IGDCC4: variants seen among roughly 807,000 people sequenced by gnomAD.
IGDCC4 encodes the protein immunoglobulin superfamily DCC subclass member 4.
IGDCC4 carries 72 observed loss-of-function variants against 116.6 expected under a neutral mutation model. That is an observed-to-expected ratio of 0.62 (90% CI 0.51 to 0.75). IGDCC4 has a LOEUF of 0.75. Ranked by LOEUF, IGDCC4 falls within the 30% of genes least tolerant of loss-of-function variation. The probability of loss-of-function intolerance (pLI) is 0.00; values close to 1 mark genes in which losing one functional copy is unlikely to be tolerated. For synonymous variants in IGDCC4, 709 were observed against 719.9 expected (o/e 0.98, Z 0.24); for missense variants, 1,501 against 1,662.4 (o/e 0.90, Z 1.69).
At chr15:65,409,450 G>T (rs2063068823) in intron 3 of IGDCC4, among the ~76,000 whole-genome samples, 1 of 152,146 alleles carries the variant, frequency 6.6e-6, no homozygotes, top group Non-Finnish European at 1.5e-5. Flanking sequence ...AGATACGTAA[G>T]AATCCAGGGG....
chr15:65,421,216 G>A (rs2063186956), intron 1 of IGDCC4, among the ~76,000 whole-genome samples: 1 of 152,210 alleles, frequency 6.6e-6, no homozygotes, highest in African/African-American at 2.4e-5. Context: ...CTCGCGGCAG[G>A]TCCTAAAGGT....
At position 65,388,749 on chromosome 15, in the gene IGDCC4, C is replaced by T. The variant is rs928861990; in HGVS notation, c.2707+59G>A. On this transcript the variant is annotated intron_variant, in intron 15 of 19. Transcript: ENST00000352385. ...ACAAACCCCAGCACTGTTCTCACTG[C>T]TGGAAGCGGGAGAGGCTGGGAAGCT... is the stretch of plus-strand genomic sequence containing the variant. The T allele has an allele frequency of 1.9e-6, 3 of 1,608,888 alleles. No homozygotes were observed. The African/African-American group carries it at 4.0e-5, about 21-fold the overall frequency.
intron 5 of IGDCC4, among the ~76,000 whole-genome samples, chr15:65,400,286 A>G (rs966684875): frequency 1.3e-5 from 2 of 152,246 alleles, no homozygotes; most frequent in Non-Finnish European, 1.5e-5. Flanking sequence ...CGATGAGTTC[A>G]GAGGGCAGGG....
At chr15:65,410,972 C>T (rs1260853978) in intron 2 of IGDCC4, 48 bp downstream of exon 2, 2 of 1,502,952 alleles carry the variant, frequency 1.3e-6, no homozygotes, top group East Asian at 2.3e-5. Context: ...TTCGCACACC[C>T]CAAGTCTGGG....
At position 65,402,324 on chromosome 15, in the gene IGDCC4, G is replaced by T. The variant is rs112387775; in HGVS notation, c.700+27C>A. ...GGTGGCTGGTTCCAGAAACCCCCAG[G>T]TTTCCCCACCCAGCCAGCCCCCTTA... On this transcript the variant is annotated intron_variant, in intron 4 of 19. Transcript: ENST00000352385. 17 of 1,554,220 alleles carry T rather than the reference G, an allele frequency of 1.1e-5. No individual in the cohort carries two copies. The African/African-American group carries it at 1.5e-4, about 14-fold the overall frequency.
At chr15:65,414,054 C>T (rs1012012792) in intron 1 of IGDCC4, among the ~76,000 whole-genome samples, 2 of 152,178 alleles carry the variant, frequency 1.3e-5, no homozygotes, top group African/African-American at 2.4e-5. Context: ...TAAACACATG[C>T]GCCTCAGTCT....
At chr15:65,386,156 C>A in intron 17 of IGDCC4, 97 bp from the exon 18 acceptor site, 1 of 778,922 alleles carries the variant, frequency 1.3e-6, no homozygotes, top group East Asian at 2.7e-5. Context: ...GAGGTTCCTG[C>A]CCATCTCTGG....
chr15:65,388,388 T>C lies in IGDCC4; in HGVS notation c.2845+61A>G, dbSNP rs1229851847. ...GTGCAAAACAATGAAATTGTAGTTG[T>C]GTCCACAGGCAGGGGCTTGGAAGTC... On this transcript the variant is annotated intron_variant, in intron 16 of 19. Transcript: ENST00000352385. 7.5e-6 allele frequency: 12 copies of C among 1,607,162 alleles called. No individual in the cohort carries two copies. In the Admixed American group the frequency reaches 1.2e-4, roughly 16 times the overall value.
chr15:65,416,148 T>G (rs2063141198), intron 1 of IGDCC4, among the ~76,000 whole-genome samples: 1 of 138,666 alleles, frequency 7.2e-6, no homozygotes, highest in Non-Finnish European at 1.6e-5. Flanking sequence ...TTTTTTTTTT[T>G]TTTTTTTTTT....
rs780539739 is a variant in IGDCC4 at position 65,391,966 on chromosome 15, T to A, written c.2138A>T (p.Tyr713Phe). The A allele has an allele frequency of 6.2e-7, 1 of 1,611,856 alleles. No individual in the cohort carries two copies. Among genetic ancestry groups the A allele is most frequent in the Admixed American group, 1.7e-5 (1 of 59,712 alleles). Reference protein sequence around the residue: ...ELTQLVPGRLYEVKLVAFNKH... With the variant: ...ELTQLVPGRLFEVKLVAFNKH... ...GTTGAAAGCCACGAGCTTCACCTCGTACAGCCGGCCAGGGACTGGGGAAGG... is the reference window on the plus strand; with the variant it reads ...GTTGAAAGCCACGAGCTTCACCTCGAACAGCCGGCCAGGGACTGGGGAAGG... Residue 713 changes from tyrosine to phenylalanine, a missense_variant, in exon 12 of 20, where the codon TAC (tyrosine) becomes TTC (phenylalanine). Around this residue, in one of 3 missense-constraint regions of IGDCC4, gnomAD observed 898 missense variants for 978.9 expected, o/e 0.92. Transcript: ENST00000352385.
In IGDCC4 at chr15:65,385,844, T is replaced by A. The variant is rs774041903; in HGVS notation, c.3167A>T (p.His1056Leu). The change falls in exon 18 of 20, where the codon CAC (histidine) becomes CTC (leucine). Residue 1056 changes from histidine to leucine, a missense_variant. Physicochemically the swap from His to Leu is moderately conservative, Grantham distance 99. Transcript: ENST00000352385. ...GCTCTGACTTACCTTTCTTTTGGAG[T>A]GACTCCGGCCTTCAGAAACACCGCC... Reference protein sequence around the residue: ...MGGGVSEGRSHSKRKISWAQP... With the variant: ...MGGGVSEGRSLSKRKISWAQP... The A allele has an allele frequency of 9.9e-5, 159 of 1,612,160 alleles. No individual in the cohort carries two copies. The highest frequency in any genetic ancestry group is 1.2e-4 in the Non-Finnish European group (142 of 1,179,814).
chr15:65,399,058 C>T (rs761579618), intron 5 of IGDCC4, among the ~76,000 whole-genome samples: 24 of 152,064 alleles, frequency 1.6e-4, no homozygotes, highest in Admixed American at 5.2e-4. Context: ...TTCTCAAATC[C>T]GTACTGTGCA....
At chr15:65,416,283 G>A (rs1467205503) in intron 1 of IGDCC4, among the ~76,000 whole-genome samples, 3 of 151,454 alleles carry the variant, frequency 2.0e-5, no homozygotes, top group Non-Finnish European at 2.9e-5. Context: ...GACTGCAGGC[G>A]CCCGCCACCA....
At chr15:65,422,064 A>G (rs1401800785) in intron 1 of IGDCC4, among the ~76,000 whole-genome samples, 2 of 151,740 alleles carry the variant, frequency 1.3e-5, no homozygotes, top group African/African-American at 4.8e-5. Context: ...TCGTGAGAAC[A>G]AGCGCTGGAC....
At chr15:65,419,713 T>G (rs1012609153) in intron 1 of IGDCC4, among the ~76,000 whole-genome samples, 1 of 152,096 alleles carries the variant, frequency 6.6e-6, no homozygotes, top group Admixed American at 6.6e-5. Flanking sequence ...CTTAGAGGCC[T>G]CCCATTACTG....
chr15:65,386,160 T>A, intron 17 of IGDCC4, 101 bp from the exon 18 acceptor site: 1 of 746,986 alleles, frequency 1.3e-6, no homozygotes, highest in South Asian at 1.9e-5. Flanking sequence ...TTCCTGCCCA[T>A]CTCTGGGATT....
At chr15:65,417,764 T>C (rs1220680769) in intron 1 of IGDCC4, among the ~76,000 whole-genome samples, 1 of 152,028 alleles carries the variant, frequency 6.6e-6, no homozygotes, top group African/African-American at 2.4e-5. Flanking sequence ...CCTGGCTAGT[T>C]TTTGTATTTT....
Position 65,384,049 on chromosome 15 carries a change from C to G in IGDCC4, c.3713G>C (p.Ser1238Thr), listed in dbSNP as rs2091428037. ...GACCGGGGATCTGGGCAGGCCTGGG[C>G]TGGCTCCTAGAGGGCAGGGGGATTT... ...QLKSPCPLGASPGLPRSPVSS... is the reference protein window; with the variant it reads ...QLKSPCPLGATPGLPRSPVSS... Residue 1238 changes from serine (S) to threonine (T), a missense_variant, in exon 20 of 20, where the codon AGC becomes ACC. Physicochemically the swap from Ser to Thr is moderately conservative, Grantham distance 58. Coordinates refer to ENST00000352385, the MANE Select transcript of IGDCC4 (RefSeq NM_020962.3). This position sits in a 1 kb window ranked among gnomAD's most constrained non-coding sequence, Gnocchi z 4.9. The G allele has an allele frequency of 6.2e-7, 1 of 1,611,226 alleles. No homozygotes were observed. Among genetic ancestry groups the G allele is most frequent in the South Asian group, 1.1e-5 (1 of 90,790 alleles).
chr15:65,421,916 C>T (rs1022767089), intron 1 of IGDCC4, among the ~76,000 whole-genome samples: 3 of 152,082 alleles, frequency 2.0e-5, no homozygotes, highest in Non-Finnish European at 4.4e-5. Context: ...CTCCCCAGCC[C>T]TTTCTCCAGC....
Sources: gnomAD v4.1 joint callset for allele counts (sites outside exome capture counted in the v4.1 genomes callset) on GRCh38, gnomAD v4.1.1 for gene constraint, gnomAD v4.1.1 regional missense constraint, Gnocchi (gnomAD v3.1) non-coding constraint, MANE v1.5 for transcripts, NCBI Gene and HGNC (gene_info 2026-07-23, HGNC 2026-07-21) for gene names.